B3GNT9: variants seen among roughly 807,000 people sequenced by gnomAD.
The protein encoded by B3GNT9 is BGnT-9.
For missense variants in B3GNT9, 669 were observed against 599.2 expected (o/e 1.12, Z -1.22); for synonymous variants, 359 against 283.9 (o/e 1.26, Z -2.66).
Position 67,149,567 on chromosome 16 carries a change from C to A in B3GNT9, c.919G>T (p.Ala307Ser). Residue 307 changes from alanine (A) to serine (S), a missense_variant, in exon 2 of 2, where the codon GCG becomes TCG. By Grantham distance (99) the Ala-to-Ser change is moderately conservative. Transcript: ENST00000449549. ...TCGATGGGGAAGAGCTCGACCTGCG[C>A]ACAGGCGCCAGCCAGGCGGTGCAGC... ...ATLHRLAGAC[A>S]QVELFPIDDV... 1 of 1,606,278 alleles carries A rather than the reference C, an allele frequency of 6.2e-7. No homozygotes were observed. The highest frequency in any genetic ancestry group is 2.3e-5 in the East Asian group (1 of 44,424).
Position 67,149,554 on chromosome 16 carries a change from A to G in B3GNT9, c.932T>C (p.Leu311Pro). The change falls in exon 2 of 2, where the codon CTC becomes CCC. Residue 311 changes from leucine (L) to proline (P), a missense_variant. Physicochemically the swap from Leu to Pro is moderately conservative, Grantham distance 98. Transcript: ENST00000449549. ...RLAGACAQVE[L>P]FPIDDVFLGM... ...CAGAAAGACGTCGTCGATGGGGAAGAGCTCGACCTGCGCACAGGCGCCAGC... is the reference window on the plus strand; with the variant it reads ...CAGAAAGACGTCGTCGATGGGGAAGGGCTCGACCTGCGCACAGGCGCCAGC... 1 of 1,608,218 alleles carries G rather than the reference A, an allele frequency of 6.2e-7. No homozygotes were observed. The highest frequency in any genetic ancestry group is 8.5e-7 in the Non-Finnish European group (1 of 1,177,552).
rs1158924886 is a variant in B3GNT9 at position 67,150,150 on chromosome 16, G to A, written c.336C>T (p.Pro112=). 4 of 1,533,958 alleles carry A rather than the reference G, an allele frequency of 2.6e-6. No homozygotes were observed. Among genetic ancestry groups the A allele is most frequent in the Admixed American group, 4.2e-5 (2 of 47,966 alleles). The change falls in exon 2 of 2, where the codon CCC becomes CCT. Residue 112 remains proline (P), a synonymous_variant. Transcript: ENST00000449549. ...QPHKCRGDGA[P]GGRPDLLIAV... Reference sequence around the variant, plus strand: ...CAATAAGCAGGTCCGGGCGGCCACCGGGTGCGCCGTCGCCGCGGCACTTGT... The same window carrying A: ...CAATAAGCAGGTCCGGGCGGCCACCAGGTGCGCCGTCGCCGCGGCACTTGT...
At position 67,150,396 on chromosome 16, in the gene B3GNT9, G is replaced by C. The variant is rs904650074; in HGVS notation, c.90C>G (p.Asp30Glu). 2 of 1,354,552 alleles carry C rather than the reference G, an allele frequency of 1.5e-6. No individual in the cohort carries two copies. The highest frequency in any genetic ancestry group is 1.5e-5 in the African/African-American group (1 of 64,964). 83.9% of individuals were successfully genotyped at this position (1,354,552 alleles called of 1,614,324 possible). A position where few individuals can be genotyped will look rare whatever the true frequency, so the allele number is the denominator to read the frequency against. The change falls in exon 2 of 2, where the codon GAC becomes GAG. Residue 30 changes from aspartate to glutamate, a missense_variant. Transcript: ENST00000449549. Reference protein sequence around the residue: ...SLGLLLYAQRDGAAPTASAPR... With the variant: ...SLGLLLYAQREGAAPTASAPR... ...GCGCGCTCGCCGTCGGGGCCGCGCC[G>C]TCGCGCTGCGCATAGAGTAAGAGGC...
Position 67,150,125 on chromosome 16 carries a change from C to A in B3GNT9, c.361G>T (p.Ala121Ser). The stretch of plus-strand genomic sequence containing the variant: ...AAGTCCTCTGCCACCGACTTGACAG[C>A]AATAAGCAGGTCCGGGCGGCCACCG... The part of the protein sequence containing the change: ...APGGRPDLLI[A>S]VKSVAEDFER... The change falls in exon 2 of 2, where the codon GCT (alanine) becomes TCT (serine). Residue 121 changes from alanine (A) to serine (S), a missense_variant. Ala to Ser is a moderately conservative substitution (Grantham distance 99, BLOSUM62 1). Transcript: ENST00000449549. The A allele has an allele frequency of 1.3e-6, 2 of 1,509,152 alleles. No homozygotes were observed. The highest frequency in any genetic ancestry group is 2.7e-5 in the East Asian group (1 of 37,270). The allele number at this position is 1,509,152 out of a possible 1,614,324, so 93.5% of individuals were successfully genotyped here. A position where few individuals can be genotyped will look rare whatever the true frequency, so the allele number is the denominator to read the frequency against.
Position 67,148,667 on chromosome 16 carries a change from C to G in B3GNT9, c.*610G>C, listed in dbSNP as rs2030314719. The stretch of plus-strand genomic sequence containing the variant: ...AGGGGATACAGCCTCCAGTGGGAGA[C>G]TGGCATTGTTGTGTGAGTTCAGGAG... On this transcript the variant is annotated 3_prime_UTR_variant, in exon 2 of 2. Transcript: ENST00000449549. The G allele has an allele frequency of 6.6e-6, 1 of 152,252 alleles. No individual in the cohort carries two copies. The highest frequency in any genetic ancestry group is 1.5e-5 in the Non-Finnish European group (1 of 68,078). The allele number at this position is 152,252 out of a possible 1,614,324, so 9.4% of individuals were successfully genotyped here.
chr16:67,150,309 G>A lies in B3GNT9; in HGVS notation c.177C>T (p.Pro59=). Residue 59 remains proline (P), a synonymous_variant, in exon 2 of 2, where the codon CCC becomes CCT. Coordinates refer to ENST00000449549, the MANE Select transcript of B3GNT9 (RefSeq NM_033309.3). ...AGGCCGGCGGGGCTGCACCCGCGTC[G>A]GGTAACTGGAACGCGCGGGGTCCGG... The part of the protein sequence containing the change: ...PTPGPRAFQL[P]DAGAAPPAYE... 4 of 1,414,806 alleles carry A rather than the reference G, an allele frequency of 2.8e-6. No homozygotes were observed. The highest frequency in any genetic ancestry group is 2.8e-6 in the Non-Finnish European group (3 of 1,081,086). The allele number at this position is 1,414,806 out of a possible 1,614,324, so 87.6% of individuals were successfully genotyped here.
At position 67,149,823 on chromosome 16, in the gene B3GNT9, G is replaced by A. The variant is rs1181410016; in HGVS notation, c.663C>T (p.Asp221=). The change falls in exon 2 of 2, where the codon GAC becomes GAT. Residue 221 remains aspartate (D), a synonymous_variant. Transcript: ENST00000449549. ...FLAWASAFCP[D]VRFVFKGDAD... is the part of the protein sequence containing the mutation. ...CGTCGCCCTTAAAAACGAAGCGCAC[G>A]TCGGGGCAGAAAGCTGAGGCCCAGG... 7.4e-6 allele frequency: 12 copies of A among 1,613,818 alleles called. No homozygotes were observed. The highest frequency in any genetic ancestry group is 1.0e-5 in the Non-Finnish European group (12 of 1,179,792).
Position 67,149,905 on chromosome 16 carries a change from A to G in B3GNT9, c.581T>C (p.Leu194Pro). 2 of 1,607,076 alleles carry G rather than the reference A, an allele frequency of 1.2e-6. No individual in the cohort carries two copies. The change falls in exon 2 of 2, where the codon CTC becomes CCC. Residue 194 changes from leucine (L) to proline (P), a missense_variant. By Grantham distance (98) the Leu-to-Pro change is moderately conservative. Transcript: ENST00000449549. Reference sequence around the variant, plus strand: ...AAAAAAGGTGTCGTCGAAGGCCCAGAGCAGGATGTCCGCATACGCAAGGCT... The same window carrying G: ...AAAAAAGGTGTCGTCGAAGGCCCAGGGCAGGATGTCCGCATACGCAAGGCT... ...AESLAYADILLWAFDDTFFNL... is the reference protein window; with the variant it reads ...AESLAYADILPWAFDDTFFNL...
rs2030262811 is a variant in B3GNT9, at chr16:67,148,189, G to A, written c.*1088C>T. ...TGTGAGTTTTTCAAATGTGTGTACA[G>A]ATTTTTGTAAATATGACTCTTTTGT... On this transcript the variant is annotated 3_prime_UTR_variant, in exon 2 of 2. Coordinates refer to ENST00000449549, the MANE Select transcript of B3GNT9 (RefSeq NM_033309.3). 6.5e-6 allele frequency: 1 copy of A among 152,672 alleles called. No individual in the cohort carries two copies. The highest frequency in any genetic ancestry group is 1.5e-5 in the Non-Finnish European group (1 of 68,052). The allele number at this position is 152,672 out of a possible 1,614,324, so 9.5% of individuals were successfully genotyped here.
chr16:67,150,321 C>A lies in B3GNT9; in HGVS notation c.165G>T (p.Ala55=). The change falls in exon 2 of 2, where the codon GCG becomes GCT. Residue 55 remains alanine (A), a synonymous_variant. Coordinates refer to ENST00000449549, the MANE Select transcript of B3GNT9 (RefSeq NM_033309.3). ...AAPRPTPGPR[A]FQLPDAGAAP... ...CTGCACCCGCGTCGGGTAACTGGAA[C>A]GCGCGGGGTCCGGGGGTGGGCCTCG... 1 of 1,406,698 alleles carries A rather than the reference C, an allele frequency of 7.1e-7. No individual in the cohort carries two copies. The highest frequency in any genetic ancestry group is 3.1e-5 in the Admixed American group (1 of 32,738). 87.1% of individuals were successfully genotyped at this position (1,406,698 alleles called of 1,614,324 possible).
At position 67,150,497 on chromosome 16, in the gene B3GNT9, C is replaced by T. The variant is rs961104381; in HGVS notation, c.-12G>A. ...AGCCTCCTCCTCATCTCCGCGCGGC[C>T]TGCGCCCTCCCTCCCCTGTAAGGGT... is the stretch of plus-strand genomic sequence containing the variant. On this transcript the variant is annotated 5_prime_UTR_variant, in exon 2 of 2. Coordinates refer to ENST00000449549, the MANE Select transcript of B3GNT9 (RefSeq NM_033309.3). 1.5e-6 allele frequency: 2 copies of T among 1,294,902 alleles called. No homozygotes were observed. Among genetic ancestry groups the T allele is most frequent in the African/African-American group, 1.5e-5 (1 of 64,804 alleles). 80.2% of individuals were successfully genotyped at this position (1,294,902 alleles called of 1,614,324 possible).
At position 67,149,538 on chromosome 16, in the gene B3GNT9, G is replaced by A. The variant is rs2145902856; in HGVS notation, c.948C>T (p.Asp316=). 6.2e-7 allele frequency: 1 copy of A among 1,608,966 alleles called. No homozygotes were observed. Among genetic ancestry groups the A allele is most frequent in the South Asian group, 1.1e-5 (1 of 90,252 alleles). ...GCTGCAGACACATGCCCAGAAAGAC[G>A]TCGTCGATGGGGAAGAGCTCGACCT... ...CAQVELFPID[D]VFLGMCLQRL... Residue 316 remains aspartate, a synonymous_variant, in exon 2 of 2, where the codon GAC becomes GAT. Transcript: ENST00000449549.
At position 67,149,394 on chromosome 16, in the gene B3GNT9, CACT is replaced by C. The variant is rs2030357656; in HGVS notation, c.1089_1091del (p.Val364del). On this transcript the variant is annotated inframe_deletion, in exon 2 of 2. Transcript: ENST00000449549. ...AGATGTCAGCGGCCGAGAGCCCGTGCACTACAACCAGCTCACGGTAAAAGCAGG... is the reference window on the plus strand; with the variant it reads ...AGATGTCAGCGGCCGAGAGCCCGTGCACAACCAGCTCACGGTAAAAGCAGG... 5 of 1,603,252 alleles carry C rather than the reference CACT, an allele frequency of 3.1e-6. No homozygotes were observed. The highest frequency in any genetic ancestry group is 4.3e-6 in the Non-Finnish European group (5 of 1,175,000).
In B3GNT9 at chr16:67,150,446, T is replaced by A; in HGVS notation, c.40A>T (p.Thr14Ser). The A allele has an allele frequency of 7.4e-7, 1 of 1,345,930 alleles. No individual in the cohort carries two copies. Among genetic ancestry groups the A allele is most frequent in the African/African-American group, 1.5e-5 (1 of 65,254 alleles). The allele number at this position is 1,345,930 out of a possible 1,614,324, so 83.4% of individuals were successfully genotyped here. Residue 14 changes from threonine (T) to serine (S), a missense_variant, in exon 2 of 2, where the codon ACG becomes TCG. By Grantham distance (58) the Thr-to-Ser change is moderately conservative. Transcript: ENST00000449549. ...CCCAGGGAGGCGCCAAGGAGCAGCG[T>A]GAGCAATGCGTCCCTGCGTAGGCGC... ...RLRLRRDALL[T>S]LLLGASLGLL...
rs777862321 is a variant in B3GNT9 at position 67,149,740 on chromosome 16, G to T, written c.746C>A (p.Ala249Glu). Residue 249 changes from alanine to glutamate, a missense_variant, in exon 2 of 2, where the codon GCG (alanine) becomes GAG (glutamate). By Grantham distance (107) the Ala-to-Glu change is moderately radical (BLOSUM62 -1). Transcript: ENST00000449549. ...TACGTCACCAGCAAGCAGGTCTTGC[G>T]CCGGGTCCCGCGGCGCCAGGAACTC... ...LLEFLAPRDP[A>E]QDLLAGDVIV... 7 of 1,613,698 alleles carry T rather than the reference G, an allele frequency of 4.3e-6. No homozygotes were observed. The highest frequency in any genetic ancestry group is 5.9e-6 in the Non-Finnish European group (7 of 1,179,816).
At chr16:67,150,800 C>T (rs1159570002) in intron 1 of B3GNT9, 65 bp downstream of exon 1, 5 of 280,800 alleles carry the variant, frequency 1.8e-5, no homozygotes, top group Non-Finnish European at 3.3e-5. Context: ...CTCCCTCGCG[C>T]TGAGGCCGAA....
chr16:67,150,231 G>C lies in B3GNT9; in HGVS notation c.255C>G (p.Ala85=). The part of the protein sequence containing the change: ...PPTPTGPFDF[A]RYLRAKDQRR... Reference sequence around the variant, plus strand: ...GCTGGTCCTTGGCGCGCAAATAGCGGGCGAAGTCAAAGGGTCCCGTAGGCG... The same window carrying C: ...GCTGGTCCTTGGCGCGCAAATAGCGCGCGAAGTCAAAGGGTCCCGTAGGCG... Residue 85 remains alanine, a synonymous_variant, in exon 2 of 2, where the codon GCC becomes GCG. Coordinates refer to ENST00000449549, the MANE Select transcript of B3GNT9 (RefSeq NM_033309.3). 2 of 1,547,878 alleles carry C rather than the reference G, an allele frequency of 1.3e-6. No homozygotes were observed. Among genetic ancestry groups the C allele is most frequent in the Non-Finnish European group, 1.7e-6 (2 of 1,148,454 alleles).
rs1219709814 is a variant in B3GNT9, at chr16:67,149,687, G to A, written c.799C>T (p.Arg267Trp). 6 of 1,611,676 alleles carry A rather than the reference G, an allele frequency of 3.7e-6. No homozygotes were observed. The highest frequency in any genetic ancestry group is 5.1e-6 in the Non-Finnish European group (6 of 1,178,992). Residue 267 changes from arginine to tryptophan, a missense_variant, in exon 2 of 2, where the codon CGG becomes TGG. By Grantham distance (101) the Arg-to-Trp change is moderately radical. Transcript: ENST00000449549. ...VIVHARPIRT[R>W]ASKYYIPEAV... is the part of the protein sequence containing the mutation. ...TCGGGGATGTAGTACTTGCTAGCCC[G>A]CGTGCGGATGGGCCGCGCATGCACA...
Position 67,150,061 on chromosome 16 carries a change from TC to T in B3GNT9, c.424del (p.Glu142ArgfsTer63). Reference protein sequence around the residue: ...RQAVRQTWGAEGRVQGALVRR... With the variant: ...RQAVRQTWGAXGRVQGALVRR... ...CACCAGCGCCCCCTGCACGCGACCC[TC>T]CGCGCCCCACGTCTGGCGCACGGCT... is the stretch of plus-strand genomic sequence containing the variant. On this transcript the variant is annotated frameshift_variant, in exon 2 of 2. Coordinates refer to ENST00000449549, the MANE Select transcript of B3GNT9 (RefSeq NM_033309.3). LOFTEE classifies it low-confidence loss of function (END_TRUNC). 1 of 1,479,452 alleles carries T rather than the reference TC, an allele frequency of 6.8e-7. No individual in the cohort carries two copies. The highest frequency in any genetic ancestry group is 1.4e-5 in the South Asian group (1 of 73,024). The allele number at this position is 1,479,452 out of a possible 1,614,324, so 91.6% of individuals were successfully genotyped here. A position where few individuals can be genotyped will look rare whatever the true frequency, so the allele number is the denominator to read the frequency against.
Sources: allele counts gnomAD v4.1 joint callset, GRCh38; gene constraint gnomAD v4.1.1; transcripts MANE v1.5; gene names NCBI Gene and HGNC (gene_info 2026-07-23, HGNC 2026-07-21).